Variants in ABLIM3 observed in about 807,000 individuals in gnomAD.
ABLIM3 encodes the protein actin-binding LIM protein 3.
ABLIM3 carries 61 observed loss-of-function variants against 109.5 expected under a neutral mutation model. The observed-to-expected ratio is 0.56, with a 90% CI of 0.45 to 0.69. The LOEUF is 0.69. Among genes scored for constraint, ABLIM3 ranks in the 30% least tolerant of loss-of-function variants. ABLIM3 has a pLI of 0.00. For missense variants in ABLIM3, 796 were observed against 889.5 expected, an observed-to-expected ratio of 0.89 and a Z score of 1.34; for synonymous variants, 300 against 324.8, an observed-to-expected ratio of 0.92 and a Z score of 0.82.
intron 2 of ABLIM3, among the ~76,000 whole-genome samples, chr5:149,172,410 C>A (rs1018824614): frequency 7.2e-5 from 11 of 152,114 alleles, no homozygotes; most frequent in Admixed American, 7.2e-4. Flanking sequence ...TGAAAACCAC[C>A]GCCTGCCCCT....
chr5:149,224,879 A>C (rs1258937260), intron 8 of ABLIM3, among the ~76,000 whole-genome samples: 1 of 152,232 alleles, frequency 6.6e-6, no homozygotes, highest in Non-Finnish European at 1.5e-5. Context: ...TGCTCTAGAC[A>C]ATGCAGCTAG....
At chr5:149,239,388 T>C in intron 12 of ABLIM3, 111 bp downstream of exon 12, 1 of 1,235,896 alleles carries the variant, frequency 8.1e-7, no homozygotes, top group South Asian at 1.3e-5. Flanking sequence ...AGGTATTCCC[T>C]GCAAGCAGGG....
intron 7 of ABLIM3, among the ~76,000 whole-genome samples, chr5:149,213,712 T>C (rs1759783295): frequency 6.6e-6 from 1 of 152,206 alleles, no homozygotes; most frequent in African/African-American, 2.4e-5. Context: ...GAGTTACCGT[T>C]GTTTAGCATT....
chr5:149,147,930 C>T (rs1363082676), intron 2 of ABLIM3, among the ~76,000 whole-genome samples: 1 of 152,108 alleles, frequency 6.6e-6, no homozygotes, highest in Non-Finnish European at 1.5e-5. Context: ...TGGGTGGTCA[C>T]ACTGTCATGA....
intron 2 of ABLIM3, among the ~76,000 whole-genome samples, chr5:149,165,054 A>G (rs1754702147): frequency 6.6e-6 from 1 of 152,250 alleles, no homozygotes. Flanking sequence ...GTTTCTGAAC[A>G]TAGCTTGAAT....
At position 149,258,923 on chromosome 5, in the gene ABLIM3, G is replaced by A; in HGVS notation, c.*519G>A. ...AATTAGGAGCTCAGTGCTCTCTTGGGGCAATGCAGTTAAAAGGGTGAGCCT... is the reference window on the plus strand; with the variant it reads ...AATTAGGAGCTCAGTGCTCTCTTGGAGCAATGCAGTTAAAAGGGTGAGCCT... On this transcript the variant is annotated 3_prime_UTR_variant, in exon 24 of 24. Transcript: ENST00000309868. 2.0e-6 allele frequency: 2 copies of A among 990,732 alleles called. No individual in the cohort carries two copies. Among genetic ancestry groups the A allele is most frequent in the Non-Finnish European group, 2.4e-6 (2 of 833,430 alleles). 61.4% of individuals were successfully genotyped at this position (990,732 alleles called of 1,614,324 possible). A position where few individuals can be genotyped will look rare whatever the true frequency, so the allele number is the denominator to read the frequency against.
At chr5:149,210,437 T>C (rs1759427743) in intron 6 of ABLIM3, among the ~76,000 whole-genome samples, 1 of 152,142 alleles carries the variant, frequency 6.6e-6, no homozygotes, top group African/African-American at 2.4e-5. Context: ...CTATTAGTCA[T>C]AGGGGGTGGT....
chr5:149,204,206 G>T (rs1758754322), intron 5 of ABLIM3, among the ~76,000 whole-genome samples: 1 of 152,178 alleles, frequency 6.6e-6, no homozygotes. Flanking sequence ...TATAACTGAG[G>T]GATCTGAGAG....
rs566685551 is a variant in ABLIM3 at position 149,207,294 on chromosome 5, G to A, written c.575+160G>A. 1.2e-4 allele frequency among the ~76,000 whole-genome samples: 18 copies of A among 152,034 alleles called. 1 individual carries two copies. In the South Asian group the frequency reaches 3.3e-3, roughly 28 times the overall value. On this transcript the variant is annotated intron_variant, in intron 6 of 23. Coordinates refer to ENST00000309868, the MANE Select transcript of ABLIM3 (RefSeq NM_014945.5). ...TCTTTCCCAGCAGCCTCTTTCCCCC[G>A]TTGGACCCTCCCGGGGGGGTTTCCC...
intron 3 of ABLIM3, among the ~76,000 whole-genome samples, chr5:149,195,129 C>G (rs1213810741): frequency 6.6e-6 from 1 of 152,098 alleles, no homozygotes; most frequent in Non-Finnish European, 1.5e-5. Context: ...TAGATGTGTC[C>G]TCAGTTAACC....
rs1752510766 is a variant in ABLIM3, at chr5:149,142,115, G to A, written c.13+7G>A. The A allele has an allele frequency of 1.9e-6, 3 of 1,613,700 alleles. No homozygotes were observed. Among genetic ancestry groups the A allele is most frequent in the Non-Finnish European group, 2.5e-6 (3 of 1,179,914 alleles). On this transcript the variant is annotated splice_region_variant and intron_variant, in intron 2 of 23. Transcript: ENST00000309868. ...ATCACCATGAACACTAGCAGTAAGT[G>A]GATCCTCCTCTCCTTTGCCATGGGA...
intron 9 of ABLIM3, among the ~76,000 whole-genome samples, chr5:149,231,434 T>C (rs550420127): frequency 6.0e-4 from 91 of 152,284 alleles, no homozygotes; most frequent in Non-Finnish European, 1.0e-3. Flanking sequence ...GGATGGGGAA[T>C]GGGGCCTTTA....
chr5:149,183,462 G>A lies in ABLIM3; in HGVS notation c.24G>A (p.Gln8=). The A allele has an allele frequency of 6.4e-7, 1 of 1,561,480 alleles. No individual in the cohort carries two copies. MNTSIPY[Q]QNPYNPRGSS... ...TTGTTTCTTTTACAGTTCCTTATCA[G>A]CAGAATCCTTACAATCCACGGGGCA... The change falls in exon 3 of 24, where the codon CAG becomes CAA. Residue 8 remains glutamine, a synonymous_variant. Transcript: ENST00000309868.
chr5:149,141,715 TG>T, intron 1 of ABLIM3, 61 bp downstream of exon 1: 1 of 210,588 alleles, frequency 4.7e-6, no homozygotes, highest in Non-Finnish European at 9.4e-6. Context: ...GCCCCCGCCC[TG>T]CCTCCCTGTG....
chr5:149,221,905 C>G (rs1190638240), intron 8 of ABLIM3, among the ~76,000 whole-genome samples: 1 of 152,068 alleles, frequency 6.6e-6, no homozygotes, highest in African/African-American at 2.4e-5. Flanking sequence ...ACACCAAATA[C>G]CCTCCTGTTC....
At position 149,207,104 on chromosome 5, in the gene ABLIM3, G is replaced by A; in HGVS notation, c.545G>A (p.Ser182Asn). The change falls in exon 6 of 24, where the codon AGC (serine) becomes AAC (asparagine). Residue 182 changes from serine to asparagine, a missense_variant. Transcript: ENST00000309868. The part of the protein sequence containing the change: ...HVSCFKCQTC[S>N]VILTGEYISK... ...AGCTGCTTCAAGTGCCAGACCTGCA[G>A]CGTCATCCTCACCGGGGAGTATATC... 1 of 1,614,036 alleles carries A rather than the reference G, an allele frequency of 6.2e-7. No homozygotes were observed. The highest frequency in any genetic ancestry group is 8.5e-7 in the Non-Finnish European group (1 of 1,179,954).
intron 2 of ABLIM3, among the ~76,000 whole-genome samples, chr5:149,154,855 T>C (rs370954066): frequency 6.6e-6 from 1 of 152,214 alleles, no homozygotes; most frequent in East Asian, 1.9e-4. Flanking sequence ...AAAGCATTTC[T>C]TGGACACATG....
At position 149,198,194 on chromosome 5, in the gene ABLIM3, CT is replaced by C. The variant is rs765829047; in HGVS notation, c.152-23del. 38 of 1,598,160 alleles carry C rather than the reference CT, an allele frequency of 2.4e-5. No individual in the cohort carries two copies. The highest frequency in any genetic ancestry group is 3.2e-5 in the Non-Finnish European group (37 of 1,171,844). On this transcript the variant is annotated intron_variant, in intron 3 of 23. Coordinates refer to ENST00000309868, the MANE Select transcript of ABLIM3 (RefSeq NM_014945.5). This position sits in a 1 kb window ranked among gnomAD's most constrained non-coding sequence, Gnocchi z 4.2. ...AGACCCTCCCTGGACTCAACCTGCCCTTGTTTTCCTCCTTGTTCCCCAAGTA... is the reference window on the plus strand; with the variant it reads ...AGACCCTCCCTGGACTCAACCTGCCCTGTTTTCCTCCTTGTTCCCCAAGTA...
intron 2 of ABLIM3, among the ~76,000 whole-genome samples, chr5:149,170,709 A>G (rs1345077214): frequency 6.6e-6 from 1 of 151,980 alleles, no homozygotes; most frequent in Non-Finnish European, 1.5e-5. Context: ...TTTCCCCCAG[A>G]CTACACAAAT....
Sources: gnomAD v4.1 joint callset for allele counts (sites outside exome capture counted in the v4.1 genomes callset) on GRCh38, gnomAD v4.1.1 for gene constraint, Gnocchi (gnomAD v3.1) non-coding constraint, MANE v1.5 for transcripts, NCBI Gene and HGNC (gene_info 2026-07-23, HGNC 2026-07-21) for gene names.